The following GFPT1 variants were observed in gnomAD, a reference collection of about 807,000 sequenced individuals.
The protein encoded by GFPT1 is glutamine--fructose-6-phosphate transaminase 1.
Under a neutral mutation model 92.0 loss-of-function variants are expected in GFPT1, and 40 were observed. That is an observed-to-expected ratio of 0.43 (90% CI 0.34 to 0.57). The LOEUF (loss-of-function observed/expected upper bound fraction) is 0.57. Among genes scored for constraint, GFPT1 ranks in the 20% least tolerant of loss-of-function variants. The pLI is 0.02. For missense variants in GFPT1, 448 were observed against 869.1 expected (o/e 0.52, Z 6.09); for synonymous variants, 269 against 280.6 (o/e 0.96, Z 0.41).
intron 15 of GFPT1, 58 bp downstream of exon 15, chr2:69,337,840 G>C (rs533904040): frequency 1.4e-6 from 2 of 1,379,376 alleles, no homozygotes; most frequent in African/African-American, 2.8e-5. Flanking sequence ...CTACAGACTA[G>C]TCTGCTTCAC....
chr2:69,330,106 T>C (rs957569334), intron 15 of GFPT1, among the ~76,000 whole-genome samples: 1 of 152,042 alleles, frequency 6.6e-6, no homozygotes, highest in Non-Finnish European at 1.5e-5. Context: ...TGGTCCCAGC[T>C]ACTCAGGAGG....
At position 69,327,003 on chromosome 2, in the gene GFPT1, G is replaced by A. The variant is rs777761159; in HGVS notation, c.1966C>T (p.Pro656Ser). The change falls in exon 19 of 20, where the codon CCC becomes TCC. Residue 656 changes from proline to serine, a missense_variant. Pro to Ser is a moderately conservative substitution (Grantham distance 74, BLOSUM62 -1). Around this residue, in one of 7 missense-constraint regions of GFPT1, gnomAD observed 55 missense variants for 98.8 expected, o/e 0.56. Transcript: ENST00000357308. ...CCCTGCAAGCAGTCCACTGAGTGGG[G>A]CACCTTGATCGTTCTTTTTGTGTTC... ...IKNTKRTIKV[P>S]HSVDCLQGIL... The A allele has an allele frequency of 3.1e-6, 5 of 1,613,992 alleles. No individual in the cohort carries two copies. The highest frequency in any genetic ancestry group is 1.7e-4 in the Middle Eastern group (1 of 6,060).
rs774275311 is a variant in GFPT1 at position 69,370,108 on chromosome 2, C to T, written c.116G>A (p.Gly39Asp). 4 of 1,589,116 alleles carry T rather than the reference C, an allele frequency of 2.5e-6. No homozygotes were observed. The highest frequency in any genetic ancestry group is 1.7e-5 in the Admixed American group (1 of 60,002). ...ATCATTGCCTCCATCAAATCCCACA[C>T]CTAAACCATCATGAGGTAAAAAAGC... ...RLEYRGYDSA[G>D]VGFDGGNDKD... Residue 39 changes from glycine (G) to aspartate (D), a missense_variant and splice_region_variant, in exon 3 of 20, where the codon GGT becomes GAT. Physicochemically the swap from Gly to Asp is moderately conservative, Grantham distance 94 (BLOSUM62 -1). This residue lies in a region of GFPT1 where 72 missense variants were observed against 95.1 expected (regional missense o/e 0.76). Transcript: ENST00000357308.
At chr2:69,366,289 GA>G (rs1352494601) in intron 3 of GFPT1, among the ~76,000 whole-genome samples, 1 of 152,120 alleles carries the variant, frequency 6.6e-6, no homozygotes, top group Non-Finnish European at 1.5e-5. Flanking sequence ...TGTCTAGTAA[GA>G]AAAAATTATT....
Position 69,326,904 on chromosome 2 carries a change from G to A in GFPT1, c.2055+10C>T. On this transcript the variant is annotated intron_variant, in intron 19 of 19. Coordinates refer to ENST00000357308, the MANE Select transcript of GFPT1 (RefSeq NM_001244710.2). ...CCATCCCAAGATTTCTGCAGTGGTA[G>A]ATGACTTACATCATAGCCTCTCAGC... is the stretch of plus-strand genomic sequence containing the variant. The A allele has an allele frequency of 6.2e-7, 1 of 1,613,696 alleles. No homozygotes were observed. Among genetic ancestry groups the A allele is most frequent in the Non-Finnish European group, 8.5e-7 (1 of 1,179,550 alleles).
intron 17 of GFPT1, among the ~76,000 whole-genome samples, chr2:69,328,985 G>A (rs562413126): frequency 8.5e-5 from 13 of 152,214 alleles, no homozygotes; most frequent in Non-Finnish European, 1.9e-4. Flanking sequence ...GATTATAGAC[G>A]TGAGCCACTG....
At chr2:69,337,208 G>A (rs1670823274) in intron 15 of GFPT1, among the ~76,000 whole-genome samples, 1 of 151,926 alleles carries the variant, frequency 6.6e-6, no homozygotes, top group Non-Finnish European at 1.5e-5. Context: ...TGGGATTACA[G>A]GCACGTGCTA....
At chr2:69,340,617 T>C (rs1470207176) in intron 13 of GFPT1, among the ~76,000 whole-genome samples, 1 of 151,788 alleles carries the variant, frequency 6.6e-6, no homozygotes, top group Non-Finnish European at 1.5e-5. Flanking sequence ...ATGATTAGAG[T>C]GTAGTCAGTT....
chr2:69,346,930 GAC>G (rs1426807733), intron 11 of GFPT1, among the ~76,000 whole-genome samples: 16 of 151,482 alleles, frequency 1.1e-4, no homozygotes, highest in Non-Finnish European at 1.5e-5. Context: ...TTTTGTTTGA[GAC>G]AGAGTCTCAC....
chr2:69,373,307 G>T (rs577649821), intron 2 of GFPT1, among the ~76,000 whole-genome samples: 2 of 152,146 alleles, frequency 1.3e-5, no homozygotes, highest in Non-Finnish European at 2.9e-5. Flanking sequence ...AGAAAGTTAT[G>T]TTTATGTGTA....
chr2:69,348,184 C>A lies in GFPT1; in HGVS notation c.996G>T (p.Gln332His). ...AAAAACTTTCACCCTTCATGATCTGCTGGAGTTCCATCTGGAGTGTTTGCA... is the reference window on the plus strand; with the variant it reads ...AAAAACTTTCACCCTTCATGATCTGATGGAGTTCCATCTGGAGTGTTTGCA... ...RAVQTLQMEL[Q>H]QIMKGNFSSF... Residue 332 changes from glutamine to histidine, a missense_variant, in exon 11 of 20, where the codon CAG (glutamine) becomes CAT (histidine). Physicochemically the swap from Gln to His is conservative, Grantham distance 24. Transcript: ENST00000357308. 2 of 1,613,724 alleles carry A rather than the reference C, an allele frequency of 1.2e-6. No homozygotes were observed. Among genetic ancestry groups the A allele is most frequent in the Non-Finnish European group, 1.7e-6 (2 of 1,179,618 alleles).
intron 1 of GFPT1, among the ~76,000 whole-genome samples, chr2:69,385,819 TTC>T (rs1351983093): frequency 6.6e-6 from 1 of 152,010 alleles, no homozygotes; most frequent in Admixed American, 6.6e-5. Context: ...TTATAGGTGT[TTC>T]TGTTTTTATG....
rs7579871 is a variant in GFPT1, at chr2:69,356,290, G to A, written c.605+206C>T. On this transcript the variant is annotated intron_variant, in intron 7 of 19. Coordinates refer to ENST00000357308, the MANE Select transcript of GFPT1 (RefSeq NM_001244710.2). Reference sequence around the variant, plus strand: ...ATTACAGGTGTGAGCCACAGCGCCCGGCCTGTATTTGCTTTCTTCAGGGAT... The same window carrying A: ...ATTACAGGTGTGAGCCACAGCGCCCAGCCTGTATTTGCTTTCTTCAGGGAT... 0.65 allele frequency among the ~76,000 whole-genome samples: 99,123 copies of A among 152,012 alleles called. 33,600 individuals carry two copies. The highest frequency in any genetic ancestry group is 0.85 in the African/African-American group (35,251 of 41,488).
chr2:69,385,740 T>G (rs1672114672), intron 1 of GFPT1, among the ~76,000 whole-genome samples: 1 of 152,086 alleles, frequency 6.6e-6, no homozygotes. Flanking sequence ...GCAAAACCAT[T>G]CTACTAAGTA....
intron 11 of GFPT1, 152 bp from the exon 12 acceptor site, chr2:69,346,151 A>G (rs1671076371): frequency 1.6e-6 from 1 of 627,884 alleles, no homozygotes; most frequent in South Asian, 1.9e-5. Flanking sequence ...TTGGGTGAAC[A>G]TATTTTACTC....
At chr2:69,371,035 G>A (rs1439526605) in intron 2 of GFPT1, among the ~76,000 whole-genome samples, 1 of 151,390 alleles carries the variant, frequency 6.6e-6, no homozygotes, top group Non-Finnish European at 1.5e-5. Context: ...GGGGAGCAGG[G>A]TGAGGACTGC....
chr2:69,344,437 A>G (rs1428979510), intron 12 of GFPT1, among the ~76,000 whole-genome samples: 1 of 152,176 alleles, frequency 6.6e-6, no homozygotes, highest in Non-Finnish European at 1.5e-5. Context: ...CCATCACTAC[A>G]GGCAAAAGAA....
At position 69,373,876 on chromosome 2, in the gene GFPT1, A is replaced by G. The variant is rs562360191; in HGVS notation, c.115+130T>C. The G allele has an allele frequency of 4.6e-5, 26 of 563,394 alleles. 2 individuals carry two copies. Among genetic ancestry groups the G allele is most frequent in the South Asian group, 4.4e-4 (24 of 54,834 alleles). The allele number at this position is 563,394 out of a possible 1,614,324, so 34.9% of individuals were successfully genotyped here. On this transcript the variant is annotated intron_variant, in intron 2 of 19. Coordinates refer to ENST00000357308, the MANE Select transcript of GFPT1 (RefSeq NM_001244710.2). ...AAATAAATCCTTTAAATATGATAAA[A>G]GACAAAAATTCTTCCAATTTACACT... is the stretch of plus-strand genomic sequence containing the variant.
chr2:69,346,288 G>A (rs1387056245), intron 11 of GFPT1, among the ~76,000 whole-genome samples: 1 of 152,036 alleles, frequency 6.6e-6, no homozygotes, highest in Non-Finnish European at 1.5e-5. Context: ...ACCCAGGCTG[G>A]AGTGGAGTGG....
Sources: allele counts gnomAD v4.1 joint callset (sites outside exome capture counted in the v4.1 genomes callset), GRCh38; gene constraint gnomAD v4.1.1; regional missense constraint gnomAD v4.1.1; transcripts MANE v1.5; gene names NCBI Gene and HGNC (gene_info 2026-07-23, HGNC 2026-07-21).